The following PLCZ1 variants were observed in gnomAD, a reference collection of about 807,000 sequenced individuals.
PLCZ1 encodes the protein 1-phosphatidylinositol 4,5-bisphosphate phosphodiesterase zeta-1.
Under a neutral mutation model 76.8 loss-of-function variants are expected in PLCZ1, and 64 were observed. The observed-to-expected ratio is 0.83, with a 90% CI of 0.68 to 1.03. The LOEUF (loss-of-function observed/expected upper bound fraction) is 1.03, where lower values mean the gene tolerates loss of function less well. Among genes scored for constraint, PLCZ1 ranks in the 50% least tolerant of loss-of-function variants. The probability of loss-of-function intolerance (pLI) is 0.00; values close to 1 mark genes in which losing one functional copy is unlikely to be tolerated. For synonymous variants in PLCZ1, 248 were observed against 230.8 expected (o/e 1.07, Z -0.68); for missense variants, 751 against 713.7 (o/e 1.05, Z -0.60).
At chr12:18,718,172 A>T (rs1958195394) in intron 5 of PLCZ1, among the ~76,000 whole-genome samples, 1 of 152,174 alleles carries the variant, frequency 6.6e-6, no homozygotes, top group South Asian at 2.1e-4. Flanking sequence ...TTTTCAACTT[A>T]AGATATTTTC....
chr12:18,724,610 C>A (rs1306360517), intron 3 of PLCZ1, among the ~76,000 whole-genome samples: 2 of 151,998 alleles, frequency 1.3e-5, no homozygotes, highest in Admixed American at 6.6e-5. Context: ...AATGATAGCA[C>A]CTTAAAATTA....
the PLCZ1 span, among the ~76,000 whole-genome samples, chr12:18,677,570 C>T: frequency 6.6e-6 from 1 of 151,956 alleles, no homozygotes; most frequent in Non-Finnish European, 1.5e-5. Flanking sequence ...TGGCTGAGGA[C>T]CTAATGCAGT....
chr12:18,681,059 G>C (rs1035483060), downstream of PLCZ1, among the ~76,000 whole-genome samples: 7 of 152,018 alleles, frequency 4.6e-5, no homozygotes, highest in African/African-American at 1.7e-4. Context: ...GAATGTTCTT[G>C]TCTTTGTCGT....
chr12:18,672,805 A>AG, the PLCZ1 span, among the ~76,000 whole-genome samples: 1 of 152,132 alleles, frequency 6.6e-6, no homozygotes, highest in Non-Finnish European at 1.5e-5. Context: ...ACCTAACAGG[A>AG]GCAAGAGGGC....
intron 3 of PLCZ1, among the ~76,000 whole-genome samples, chr12:18,727,747 AG>A (rs1958833714): frequency 6.6e-6 from 1 of 152,188 alleles, no homozygotes; most frequent in Admixed American, 6.6e-5. Context: ...TTTTCGTTCT[AG>A]AAAGATTACT....
the PLCZ1 span, among the ~76,000 whole-genome samples, chr12:18,665,637 A>G: frequency 6.6e-6 from 1 of 152,110 alleles, no homozygotes; most frequent in African/African-American, 2.4e-5. Flanking sequence ...TACTGAAAAT[A>G]CAAAAATTAG....
chr12:18,649,172 C>T, the PLCZ1 span, among the ~76,000 whole-genome samples: 1 of 152,030 alleles, frequency 6.6e-6, no homozygotes, highest in Non-Finnish European at 1.5e-5. Flanking sequence ...CTCAGCAACT[C>T]CTCCCCTAAT....
intron 12 of PLCZ1, chr12:18,693,848 G>A: frequency 6.5e-7 from 1 of 1,531,718 alleles, no homozygotes; most frequent in Non-Finnish European, 9.0e-7. Context: ...CCTGCCTGAT[G>A]AAAAGACGAA....
At chr12:18,696,811 A>G (rs558673614) in intron 10 of PLCZ1, among the ~76,000 whole-genome samples, 4 of 152,146 alleles carry the variant, frequency 2.6e-5, no homozygotes, top group Admixed American at 2.6e-4. Flanking sequence ...TCACTCCAGC[A>G]TCTTCCCCCA....
rs372153319 is a variant in PLCZ1 at position 18,731,574 on chromosome 12, T to C, written c.135+4647A>G. The stretch of plus-strand genomic sequence containing the variant: ...TTTTTTTTTGACGCACAAGCCTGCT[T>C]CCACCAGCTTCCATGGAGCTACATC... On this transcript the variant is annotated intron_variant, in intron 3 of 14. Transcript: ENST00000266505. Among the ~76,000 whole-genome samples, 165 of 147,430 alleles carry C rather than the reference T, an allele frequency of 1.1e-3. 1 individual carries two copies. The highest frequency in any genetic ancestry group is 3.9e-3 in the African/African-American group (156 of 39,966).
the PLCZ1 span, among the ~76,000 whole-genome samples, chr12:18,652,597 C>G: frequency 3.3e-5 from 5 of 152,128 alleles, no homozygotes; most frequent in African/African-American, 4.8e-5. Flanking sequence ...GTTGTGTTGT[C>G]CCAGCCCCAC....
chr12:18,723,311 C>A lies in PLCZ1; in HGVS notation c.367G>T (p.Val123Phe). Residue 123 changes from valine (V) to phenylalanine (F), a missense_variant and splice_region_variant, in exon 4 of 15, where the codon GTT (valine) becomes TTT (phenylalanine). Val to Phe is a conservative substitution (Grantham distance 50). Transcript: ENST00000266505. ...IIQKYEPIEE[V>F]RKAHQMSLEG... ...ATAAAAGTTTGAAATGCAAACATAC[C>A]TTCTTCGATAGGCTCGTATTTCTGA... 3 of 1,607,842 alleles carry A rather than the reference C, an allele frequency of 1.9e-6. No individual in the cohort carries two copies. Among genetic ancestry groups the A allele is most frequent in the Non-Finnish European group, 2.6e-6 (3 of 1,175,838 alleles).
rs559471633 is a variant in PLCZ1 at position 18,701,029 on chromosome 12, G to C, written c.1017+472C>G. 2.0e-5 allele frequency among the ~76,000 whole-genome samples: 3 copies of C among 151,128 alleles called. No homozygotes were observed. In the South Asian group the frequency reaches 6.3e-4, roughly 32 times the overall value. On this transcript the variant is annotated intron_variant, in intron 9 of 14. Transcript: ENST00000266505. ...ACAGGATCTCTCATTCTGTTGCCCA[G>C]GTTGGAGTGCAATGGCTCGATCTCG...
chr12:18,654,738 A>G, the PLCZ1 span, among the ~76,000 whole-genome samples: 1 of 152,178 alleles, frequency 6.6e-6, no homozygotes, highest in East Asian at 1.9e-4. Context: ...TATCTTTTAC[A>G]TGGGACTTTC....
chr12:18,700,512 CAAAAA>C (rs11324526), intron 9 of PLCZ1, among the ~76,000 whole-genome samples: 84 of 67,902 alleles, frequency 1.2e-3, no homozygotes, highest in Admixed American at 2.8e-3. Context: ...AGCCAACGTA[CAAAAA>C]AAAAAAAAAA....
intron 13 of PLCZ1, among the ~76,000 whole-genome samples, chr12:18,685,033 A>G (rs1952887696): frequency 6.6e-6 from 1 of 152,046 alleles, no homozygotes; most frequent in Non-Finnish European, 1.5e-5. Context: ...CTGTGAGTCA[A>G]TTAAACCTCT....
intron 10 of PLCZ1, among the ~76,000 whole-genome samples, chr12:18,698,229 G>C (rs1955373845): frequency 8.4e-6 from 1 of 119,336 alleles, no homozygotes. Flanking sequence ...ATTACTGCTT[G>C]CAATACACTT....
At chr12:18,737,030 G>A (rs189675503) in intron 2 of PLCZ1, among the ~76,000 whole-genome samples, 6 of 152,064 alleles carry the variant, frequency 3.9e-5, no homozygotes, top group African/African-American at 9.6e-5. Context: ...AACTAAGATC[G>A]AAATGAGATA....
chr12:18,693,560 G>A (rs1954471328), intron 12 of PLCZ1: 4 of 1,604,560 alleles, frequency 2.5e-6, no homozygotes, highest in African/African-American at 1.3e-5. Context: ...GTACCTAGGT[G>A]ATGGGCCCAA....
Sources: gnomAD v4.1 joint callset for allele counts (sites outside exome capture counted in the v4.1 genomes callset) on GRCh38, gnomAD v4.1.1 for gene constraint, MANE v1.5 for transcripts, NCBI Gene and HGNC (gene_info 2026-07-23, HGNC 2026-07-21) for gene names.